The following VIT variants were observed in gnomAD, a reference collection of about 807,000 sequenced individuals.
The protein encoded by VIT is vitrin.
A neutral mutation model predicts 78.0 loss-of-function variants in VIT; 99 were observed. The ratio of observed to expected loss-of-function variants is 1.27; its 90% CI spans 1.08 to 1.50. The LOEUF is 1.50. Ranked by LOEUF, VIT falls within the 40% of genes most tolerant of loss-of-function variation. The probability of loss-of-function intolerance (pLI) is 0.00; values close to 1 mark genes in which losing one functional copy is unlikely to be tolerated. For missense variants in VIT, 1,126 were observed against 875.3 expected (o/e 1.29, Z -3.61); for synonymous variants, 374 against 334.3 (o/e 1.12, Z -1.29).
intron 8 of VIT, 59 bp downstream of exon 8, chr2:36,773,906 T>C (rs920027941): frequency 1.3e-6 from 2 of 1,521,824 alleles, no homozygotes; most frequent in Non-Finnish European, 1.8e-6. Flanking sequence ...TTACATGCGG[T>C]TCCTCTCCAC....
chr2:36,804,276 G>A (rs1229115245), intron 13 of VIT, among the ~76,000 whole-genome samples: 2 of 152,236 alleles, frequency 1.3e-5, no homozygotes, highest in Non-Finnish European at 2.9e-5. Context: ...AACACAGTCT[G>A]TCAGTTCCCA....
intron 5 of VIT, among the ~76,000 whole-genome samples, chr2:36,758,235 T>C (rs1668883831): frequency 6.6e-6 from 1 of 152,254 alleles, no homozygotes; most frequent in African/African-American, 2.4e-5. Flanking sequence ...ACAAATTGCT[T>C]TGAGCTCTGA....
chr2:36,782,571 T>G (rs1337005647), intron 10 of VIT, among the ~76,000 whole-genome samples: 2 of 152,230 alleles, frequency 1.3e-5, no homozygotes, highest in African/African-American at 4.8e-5. Context: ...TCACTTCCAG[T>G]GCTGCAAGCG....
chr2:36,705,548 A>G (rs1405115323), intron 1 of VIT, among the ~76,000 whole-genome samples: 1 of 152,202 alleles, frequency 6.6e-6, no homozygotes, highest in Non-Finnish European at 1.5e-5. Flanking sequence ...AACATGCCAC[A>G]TGGATCAACG....
chr2:36,784,597 G>C (rs1664970883), intron 11 of VIT, among the ~76,000 whole-genome samples: 1 of 152,342 alleles, frequency 6.6e-6, no homozygotes, highest in African/African-American at 2.4e-5. Context: ...CTGGCCTGAT[G>C]TATTGGACAA....
chr2:36,699,033 T>C (rs1476378298), intron 1 of VIT, among the ~76,000 whole-genome samples: 1 of 152,040 alleles, frequency 6.6e-6, no homozygotes, highest in Non-Finnish European at 1.5e-5. Flanking sequence ...AAAGCATTTA[T>C]ATAATAAAAA....
intron 6 of VIT, among the ~76,000 whole-genome samples, chr2:36,765,747 GAC>G (rs1558552426): frequency 6.6e-6 from 1 of 152,276 alleles, no homozygotes; most frequent in Non-Finnish European, 1.5e-5. Flanking sequence ...GAAGAGGCAA[GAC>G]ACAGAGTCTA....
intron 13 of VIT, among the ~76,000 whole-genome samples, chr2:36,804,895 A>C (rs17019851): frequency 0.046 from 7,067 of 152,184 alleles, 386 homozygotes; most frequent in East Asian, 0.17. Context: ...AAGCGGAGAC[A>C]ATTAGAAGTT....
intron 1 of VIT, among the ~76,000 whole-genome samples, chr2:36,700,668 G>A (rs1409881696): frequency 6.6e-6 from 1 of 152,088 alleles, no homozygotes; most frequent in African/African-American, 2.4e-5. Context: ...CTTGAGCCCA[G>A]GCATTCGAGG....
intron 3 of VIT, among the ~76,000 whole-genome samples, chr2:36,736,436 A>G (rs1168066323): frequency 1.3e-5 from 2 of 152,192 alleles, no homozygotes; most frequent in Non-Finnish European, 2.9e-5. Flanking sequence ...CTCTAGAACA[A>G]TTCCTGCCTG....
Position 36,805,418 on chromosome 2 carries a change from G to C in VIT, c.1163-20G>C, listed in dbSNP as rs775484021. Reference sequence around the variant, plus strand: ...TAATCAGCGTGATCACTCCAAGCATGAATTTTCTTTTTCTTCCAGGTCGGG... The same window carrying C: ...TAATCAGCGTGATCACTCCAAGCATCAATTTTCTTTTTCTTCCAGGTCGGG... On this transcript the variant is annotated intron_variant, in intron 13 of 15. Coordinates refer to ENST00000379242, the MANE Select transcript of VIT (RefSeq NM_053276.4). 1 of 1,582,480 alleles carries C rather than the reference G, an allele frequency of 6.3e-7. No individual in the cohort carries two copies. The highest frequency in any genetic ancestry group is 8.6e-7 in the Non-Finnish European group (1 of 1,165,918).
At chr2:36,705,228 T>C (rs1030557483) in intron 1 of VIT, among the ~76,000 whole-genome samples, 1 of 152,172 alleles carries the variant, frequency 6.6e-6, no homozygotes, top group African/African-American at 2.4e-5. Context: ...CTAGCCTCTT[T>C]CCTTTAGATT....
At chr2:36,697,337 G>A (rs138455684) in intron 1 of VIT, among the ~76,000 whole-genome samples, 1 of 152,196 alleles carries the variant, frequency 6.6e-6, no homozygotes, top group African/African-American at 2.4e-5. Flanking sequence ...CTTGGAATAT[G>A]TGGAATGTAA....
intron 12 of VIT, among the ~76,000 whole-genome samples, chr2:36,798,663 G>T (rs1666087410): frequency 1.3e-5 from 2 of 152,160 alleles, no homozygotes. Flanking sequence ...AGAGGCTGAG[G>T]CAGGAGAATT....
At chr2:36,758,526 T>C (rs962952695) in intron 5 of VIT, among the ~76,000 whole-genome samples, 1 of 152,250 alleles carries the variant, frequency 6.6e-6, no homozygotes, top group Non-Finnish European at 1.5e-5. Context: ...TTTTAGGTTT[T>C]ACTACTGCTA....
intron 3 of VIT, among the ~76,000 whole-genome samples, chr2:36,734,580 T>C (rs10201689): frequency 0.2 from 30,342 of 152,078 alleles, 3,254 homozygotes; most frequent in East Asian, 0.31. Flanking sequence ...AGAAGACGTA[T>C]GGGAAAAATG....
intron 4 of VIT, among the ~76,000 whole-genome samples, chr2:36,749,610 C>G (rs1273890876): frequency 1.3e-5 from 2 of 152,168 alleles, no homozygotes; most frequent in African/African-American, 4.8e-5. Context: ...GGTTGAATCA[C>G]TTTTCTAAAG....
At chr2:36,737,059 A>G (rs1572444869) in intron 3 of VIT, among the ~76,000 whole-genome samples, 1 of 152,368 alleles carries the variant, frequency 6.6e-6, no homozygotes, top group East Asian at 1.9e-4. Flanking sequence ...CCACTATAAA[A>G]TAAAGCAAAA....
chr2:36,722,714 G>T (rs2372709), intron 2 of VIT, among the ~76,000 whole-genome samples: 97,583 of 151,992 alleles, frequency 0.64, 31,521 homozygotes, highest in Middle Eastern at 0.73. Flanking sequence ...ACACAAATAT[G>T]CAGTAAGTAC....
Sources: gnomAD v4.1 joint callset for allele counts (sites outside exome capture counted in the v4.1 genomes callset) on GRCh38, gnomAD v4.1.1 for gene constraint, MANE v1.5 for transcripts, NCBI Gene and HGNC (gene_info 2026-07-23, HGNC 2026-07-21) for gene names.